Variants in WDFY3 observed in about 807,000 individuals in gnomAD.
WDFY3 encodes WD repeat and FYVE domain containing 3, also known as WD repeat and FYVE domain-containing protein 3.
In WDFY3, 66 loss-of-function variants were observed where a neutral mutation model predicts 409.6. That is an observed-to-expected ratio of 0.16 (90% CI 0.13 to 0.20). WDFY3 has a LOEUF of 0.20. Among genes scored for constraint, WDFY3 ranks in the 10% least tolerant of loss-of-function variants. The pLI is 1.00. For missense variants in WDFY3, 3,031 were observed against 4,298.1 expected (o/e 0.71, Z 8.24); for synonymous variants, 1,521 against 1,537.1 (o/e 0.99, Z 0.25).
intron 3 of WDFY3, among the ~76,000 whole-genome samples, chr4:84,892,771 C>A (rs1765121690): frequency 6.6e-6 from 1 of 152,176 alleles, no homozygotes; most frequent in South Asian, 2.1e-4. Flanking sequence ...TTTAGATTCT[C>A]ATGAGACAGA....
At chr4:84,933,306 C>T (rs1434301682) in intron 1 of WDFY3, among the ~76,000 whole-genome samples, 1 of 151,956 alleles carries the variant, frequency 6.6e-6, no homozygotes, top group East Asian at 1.9e-4. Flanking sequence ...CCAATAATAA[C>T]CTAGTTTTGC....
At chr4:84,929,814 G>A (rs1770511685) in intron 2 of WDFY3, among the ~76,000 whole-genome samples, 1 of 152,042 alleles carries the variant, frequency 6.6e-6, no homozygotes, top group Non-Finnish European at 1.5e-5. Flanking sequence ...GGGAGGCTGA[G>A]GCACGAGAAT....
intron 2 of WDFY3, among the ~76,000 whole-genome samples, chr4:84,921,049 A>G (rs1769204074): frequency 6.6e-6 from 1 of 152,184 alleles, no homozygotes. Context: ...GGTAGGAAAG[A>G]ACTTAATGGA....
intron 1 of WDFY3, among the ~76,000 whole-genome samples, chr4:84,946,123 C>T (rs543867634): frequency 6.6e-6 from 1 of 152,240 alleles, no homozygotes; most frequent in South Asian, 2.1e-4. Context: ...ACTACCAAAC[C>T]TCAGACCCTT....
At chr4:84,965,318 T>C (rs1279501998) in intron 1 of WDFY3, among the ~76,000 whole-genome samples, 3 of 152,218 alleles carry the variant, frequency 2.0e-5, no homozygotes, top group Non-Finnish European at 4.4e-5. Flanking sequence ...TGAACAAAAA[T>C]AGTTTTTCGT....
intron 45 of WDFY3, 93 bp from the exon 46 acceptor site, chr4:84,724,687 A>G (rs1735375935): frequency 7.1e-7 from 1 of 1,413,976 alleles, no homozygotes; most frequent in Non-Finnish European, 9.4e-7. Flanking sequence ...AAGGTGTGTT[A>G]CCTTTTTAAA....
intron 2 of WDFY3, among the ~76,000 whole-genome samples, chr4:84,923,196 T>C (rs1048836466): frequency 6.6e-6 from 1 of 152,224 alleles, no homozygotes; most frequent in Non-Finnish European, 1.5e-5. Context: ...ATTCTGACCA[T>C]GCTGTTTCTT....
chr4:84,765,806 A>T lies in WDFY3; in HGVS notation c.5188+4T>A. 1 of 1,613,098 alleles carries T rather than the reference A, an allele frequency of 6.2e-7. No individual in the cohort carries two copies. The highest frequency in any genetic ancestry group is 8.5e-7 in the Non-Finnish European group (1 of 1,179,532). On this transcript the variant is annotated splice_donor_region_variant and intron_variant, in intron 32 of 67. Transcript: ENST00000295888. ...TCAAGCAGCTGACTAGAAAAGTCCC[A>T]TACCTAATACAGTTCCAATCTTATT...
intron 16 of WDFY3, among the ~76,000 whole-genome samples, chr4:84,802,953 G>A (rs1188827248): frequency 6.6e-6 from 1 of 152,108 alleles, no homozygotes; most frequent in African/African-American, 2.4e-5. Flanking sequence ...CAGACAAATA[G>A]CCTCAATGTA....
chr4:84,698,807 C>G (rs1578171912), intron 56 of WDFY3, among the ~76,000 whole-genome samples: 2 of 152,250 alleles, frequency 1.3e-5, no homozygotes, highest in East Asian at 3.9e-4. Context: ...TGTGCCTCAG[C>G]CTTCTGAGGA....
chr4:84,675,024 G>T (rs1350708391), intron 67 of WDFY3, among the ~76,000 whole-genome samples: 1 of 151,624 alleles, frequency 6.6e-6, no homozygotes. Flanking sequence ...TGGATGGAGT[G>T]CAGTGGCGTG....
chr4:84,745,287 A>G (rs1053515852), intron 36 of WDFY3, among the ~76,000 whole-genome samples: 4 of 152,220 alleles, frequency 2.6e-5, no homozygotes, highest in African/African-American at 7.2e-5. Flanking sequence ...AATAAATGTC[A>G]TAACTTCCTT....
Position 84,670,955 on chromosome 4 carries a change from A to C in WDFY3, c.*1913T>G, listed in dbSNP as rs564720835. On this transcript the variant is annotated 3_prime_UTR_variant, in exon 68 of 68. Transcript: ENST00000295888. The stretch of plus-strand genomic sequence containing the variant: ...TTAAATTAAAGTATTAATGCCGATA[A>C]TCCTTTTATTAACAAGTATATTTGA... The C allele has an allele frequency of 2.0e-5, 3 of 152,752 alleles. No individual in the cohort carries two copies. Among genetic ancestry groups the C allele is most frequent in the African/African-American group, 7.2e-5 (3 of 41,576 alleles). The allele number at this position is 152,752 out of a possible 1,614,324, so 9.5% of individuals were successfully genotyped here. A position where few individuals can be genotyped will look rare whatever the true frequency, so the allele number is the denominator to read the frequency against.
chr4:84,731,109 T>C (rs933823203), intron 44 of WDFY3, among the ~76,000 whole-genome samples: 5 of 152,172 alleles, frequency 3.3e-5, no homozygotes, highest in African/African-American at 1.2e-4. Flanking sequence ...AGTCTCATTA[T>C]GTTTTAAGAA....
At position 84,897,019 on chromosome 4, in the gene WDFY3, A is replaced by G. The variant is rs947195028; in HGVS notation, c.-131-9T>C. The G allele has an allele frequency of 2.0e-5, 3 of 152,234 alleles. No individual in the cohort carries two copies. Among genetic ancestry groups the G allele is most frequent in the African/African-American group, 7.2e-5 (3 of 41,464 alleles). 9.4% of individuals were successfully genotyped at this position (152,234 alleles called of 1,614,324 possible). A position where few individuals can be genotyped will look rare whatever the true frequency, so the allele number is the denominator to read the frequency against. ...TGAAATCTGGGCTCCAGCTAGAAAG[A>G]GGGGGAAAAAGGTTATGAATTAATC... On this transcript the variant is annotated splice_polypyrimidine_tract_variant and intron_variant, in intron 2 of 67. Coordinates refer to ENST00000295888, the MANE Select transcript of WDFY3 (RefSeq NM_014991.6).
chr4:84,774,930 C>T lies in WDFY3; in HGVS notation c.4644G>A (p.Lys1548=), dbSNP rs148627620. 189 of 1,613,826 alleles carry T rather than the reference C, an allele frequency of 1.2e-4. No homozygotes were observed. The highest frequency in any genetic ancestry group is 3.3e-4 in the Admixed American group (20 of 59,996). The change falls in exon 29 of 68, where the codon AAG becomes AAA. Residue 1548 remains lysine (K), a synonymous_variant. Coordinates refer to ENST00000295888, the MANE Select transcript of WDFY3 (RefSeq NM_014991.6). ...KLMREFQLIP[K]LLLTLRDMSL... ...ACATATCTCGAAGAGTCAGGAGCAG[C>T]TTTGGGATTAACTGGAATTCTCTCA...
chr4:84,738,896 C>A, intron 40 of WDFY3, 114 bp downstream of exon 40: 2 of 995,436 alleles, frequency 2.0e-6, no homozygotes, highest in Non-Finnish European at 3.1e-6. Flanking sequence ...GGTTGCCCTA[C>A]TGGGAGAGTT....
intron 3 of WDFY3, among the ~76,000 whole-genome samples, chr4:84,861,648 A>G (rs1320297765): frequency 1.3e-5 from 2 of 152,230 alleles, no homozygotes; most frequent in African/African-American, 4.8e-5. Flanking sequence ...AGAAGATAAG[A>G]AAAGAATAAC....
intron 45 of WDFY3, among the ~76,000 whole-genome samples, chr4:84,725,601 A>C (rs890371765): frequency 2.6e-5 from 4 of 152,184 alleles, no homozygotes; most frequent in African/African-American, 9.7e-5. Flanking sequence ...ATAATTTTAA[A>C]AAGATGAAAT....
Sources: gnomAD v4.1 joint callset for allele counts (sites outside exome capture counted in the v4.1 genomes callset) on GRCh38, gnomAD v4.1.1 for gene constraint, MANE v1.5 for transcripts, NCBI Gene and HGNC (gene_info 2026-07-23, HGNC 2026-07-21) for gene names.